The following ZNF445 variants were observed in gnomAD, a reference collection of about 807,000 sequenced individuals.
The protein encoded by ZNF445 is zinc finger protein 445.
Under a neutral mutation model 93.9 loss-of-function variants are expected in ZNF445, and 19 were observed. That is an observed-to-expected ratio of 0.20 (90% CI 0.14 to 0.30). The LOEUF (loss-of-function observed/expected upper bound fraction) is 0.30. Among genes scored for constraint, ZNF445 ranks in the 10% least tolerant of loss-of-function variants. The pLI is 1.00. For synonymous variants in ZNF445, 449 were observed against 446.3 expected, an observed-to-expected ratio of 1.01 and a Z score of -0.08; for missense variants, 1,058 against 1,259.4, an observed-to-expected ratio of 0.84 and a Z score of 2.42.
At chr3:44,460,338 C>T (rs993128837) in intron 1 of ZNF445, among the ~76,000 whole-genome samples, 1 of 152,160 alleles carries the variant, frequency 6.6e-6, no homozygotes, top group African/African-American at 2.4e-5. Flanking sequence ...GATTAACAAC[C>T]CTTTCCCAAA....
In ZNF445 at chr3:44,448,496, C is replaced by T; in HGVS notation, c.1175G>A (p.Gly392Glu). Residue 392 changes from glycine to glutamate, a missense_variant, in exon 8 of 8, where the codon GGA (glycine) becomes GAA (glutamate). This residue lies in a region of ZNF445 where 657 missense variants were observed against 746.4 expected (regional missense o/e 0.88). Transcript: ENST00000396077. ...HRTGKDSEVS[G>E]SNSLDLKHVT... ...ATGTTTTAAGTCAAGACTATTACTT[C>T]CTGATACTTCAGAGTCTTTTCCTGT... is the stretch of plus-strand genomic sequence containing the variant. 3 of 1,613,702 alleles carry T rather than the reference C, an allele frequency of 1.9e-6. No individual in the cohort carries two copies.
rs1349549415 is a variant in ZNF445, at chr3:44,439,913, C to T, written c.*6662G>A. The T allele has an allele frequency of 6.6e-6, 1 of 152,216 alleles. No homozygotes were observed. The highest frequency in any genetic ancestry group is 1.5e-5 in the Non-Finnish European group (1 of 68,058). The allele number at this position is 152,216 out of a possible 1,614,324, so 9.4% of individuals were successfully genotyped here. A position where few individuals can be genotyped will look rare whatever the true frequency, so the allele number is the denominator to read the frequency against. ...GGTTATGAGAGCTCAGTGCATTTGACAGTCAGGGTTTGCACAGTTTGAACT... is the reference window on the plus strand; with the variant it reads ...GGTTATGAGAGCTCAGTGCATTTGATAGTCAGGGTTTGCACAGTTTGAACT... On this transcript the variant is annotated 3_prime_UTR_variant, in exon 8 of 8. Transcript: ENST00000396077.
At chr3:44,472,105 G>C (rs997958321) in intron 1 of ZNF445, among the ~76,000 whole-genome samples, 6 of 152,058 alleles carry the variant, frequency 3.9e-5, no homozygotes, top group Admixed American at 2.6e-4. Flanking sequence ...GAAAACCAAA[G>C]TATGAAAAGA....
intron 3 of ZNF445, chr3:44,454,883 T>C (rs535905369): frequency 5.3e-6 from 3 of 564,298 alleles, no homozygotes; most frequent in East Asian, 3.0e-5. Context: ...CTGTTATTTA[T>C]GGAGACTTGC....
chr3:44,449,865 A>C (rs1697933260), intron 6 of ZNF445, among the ~76,000 whole-genome samples: 1 of 152,228 alleles, frequency 6.6e-6, no homozygotes, highest in Admixed American at 6.5e-5. Context: ...CGTCTACTTA[A>C]TTGGTTACAT....
chr3:44,475,095 ACT>A (rs890804577), intron 1 of ZNF445, among the ~76,000 whole-genome samples: 7 of 151,936 alleles, frequency 4.6e-5, no homozygotes, highest in Admixed American at 2.6e-4. Context: ...AAGAGCGTTA[ACT>A]CTGTCTCAAA....
intron 3 of ZNF445, among the ~76,000 whole-genome samples, chr3:44,451,875 T>A (rs879848750): frequency 6.6e-6 from 1 of 152,180 alleles, no homozygotes; most frequent in South Asian, 2.1e-4. Flanking sequence ...ATTAAACTCA[T>A]AATGGTTCAC....
rs780183627 is a variant in ZNF445, at chr3:44,455,388, G to A, written c.162C>T (p.Phe54=). 1 of 1,614,186 alleles carries A rather than the reference G, an allele frequency of 6.2e-7. No individual in the cohort carries two copies. The highest frequency in any genetic ancestry group is 1.1e-5 in the South Asian group (1 of 91,088). Residue 54 remains phenylalanine (F), a synonymous_variant, in exon 3 of 8, where the codon TTC becomes TTT. Coordinates refer to ENST00000396077, the MANE Select transcript of ZNF445 (RefSeq NM_181489.6). ...AGCGAAGCTGTCTGAAGAGCTGGCG[G>A]AACAGCTCCTGGCCAGGGCGGTTGA... ...QTLNRPGQEL[F]RQLFRQLRYH...
At chr3:44,464,736 T>C (rs1005824611) in intron 1 of ZNF445, among the ~76,000 whole-genome samples, 2 of 152,176 alleles carry the variant, frequency 1.3e-5, no homozygotes, top group African/African-American at 2.4e-5. Context: ...CCGTTGGCTA[T>C]GCTAAAAAGA....
In ZNF445 at chr3:44,455,331, C is replaced by T; in HGVS notation, c.219G>A (p.Leu73=). ...AGCGACAGAGTTCCCGGAGCCGGCT[C>T]AGAGTTTCTAGGGGCCCTGAAGACT... ...YHESSGPLET[L]SRLRELCRWW... Residue 73 remains leucine, a synonymous_variant, in exon 3 of 8, where the codon CTG becomes CTA. Coordinates refer to ENST00000396077, the MANE Select transcript of ZNF445 (RefSeq NM_181489.6). The T allele has an allele frequency of 6.2e-7, 1 of 1,613,980 alleles. No homozygotes were observed. The highest frequency in any genetic ancestry group is 8.5e-7 in the Non-Finnish European group (1 of 1,179,900).
At position 44,447,177 on chromosome 3, in the gene ZNF445, T is replaced by C. The variant is rs373276419; in HGVS notation, c.2494A>G (p.Lys832Glu). 4.3e-6 allele frequency: 7 copies of C among 1,614,114 alleles called. No homozygotes were observed. Among genetic ancestry groups the C allele is most frequent in the Admixed American group, 1.7e-5 (1 of 60,004 alleles). ...ESEKTPNVEP[K>E]ILTGEKRFWC... ...AAACGTTTCTCACCAGTGAGGATTT[T>C]TGGCTCCACATTTGGAGTCTTTTCA... Residue 832 changes from lysine (K) to glutamate (E), a missense_variant, in exon 8 of 8, where the codon AAA becomes GAA. Coordinates refer to ENST00000396077, the MANE Select transcript of ZNF445 (RefSeq NM_181489.6). The surrounding 1 kb of genome is among the most constrained non-coding windows in gnomAD (Gnocchi z 4.7).
chr3:44,450,728 AG>A, intron 5 of ZNF445, 139 bp downstream of exon 5: 1 of 1,292,888 alleles, frequency 7.7e-7, no homozygotes, highest in Non-Finnish European at 1.1e-6. Flanking sequence ...TCTGGGCTTG[AG>A]GGGGATAATC....
chr3:44,451,894 T>A (rs1015727971), intron 3 of ZNF445, among the ~76,000 whole-genome samples: 3 of 152,224 alleles, frequency 2.0e-5, no homozygotes, highest in African/African-American at 4.8e-5. Context: ...ACAGTGGAGA[T>A]ACAGTCAAGT....
At chr3:44,456,908 G>A (rs2125681300) in intron 2 of ZNF445, among the ~76,000 whole-genome samples, 1 of 152,244 alleles carries the variant, frequency 6.6e-6, no homozygotes, top group Non-Finnish European at 1.5e-5. Flanking sequence ...TGGGCGGACT[G>A]CTTGAGGTCA....
intron 6 of ZNF445, 36 bp from the exon 7 acceptor site, chr3:44,449,659 T>G (rs753805162): frequency 3.3e-5 from 51 of 1,537,288 alleles, no homozygotes; most frequent in Non-Finnish European, 4.5e-5. Context: ...AGAAGGGAGA[T>G]GGATGACACA....
rs562187218 is a variant in ZNF445 at position 44,475,326 on chromosome 3, G to A, written c.-269+2265C>T. Among the ~76,000 whole-genome samples the A allele has an allele frequency of 2.0e-4, 31 of 151,990 alleles. No individual in the cohort carries two copies. The South Asian group carries it at 3.3e-3, about 16-fold the overall frequency. On this transcript the variant is annotated intron_variant, in intron 1 of 7. Coordinates refer to ENST00000396077, the MANE Select transcript of ZNF445 (RefSeq NM_181489.6). ...CAATTCTCCTGCCTCAGCCTCCCAA[G>A]TAGCTGGGATTACAGGTGCCCGCCA...
rs34880145 is a variant in ZNF445, at chr3:44,434,250, C to CAAAAA, written c.*12320_*12324dup. On this transcript the variant is annotated 3_prime_UTR_variant, in exon 8 of 8. Coordinates refer to ENST00000396077, the MANE Select transcript of ZNF445 (RefSeq NM_181489.6). ...TAACATGGTGAAACCCTGCCTTTACCAAAAAAAAAAAAAAAAAAATTAGCC... is the reference window on the plus strand; with the variant it reads ...TAACATGGTGAAACCCTGCCTTTACCAAAAAAAAAAAAAAAAAAAAAAAATTAGCC... 7.5e-6 allele frequency: 1 copy of CAAAAA among 133,200 alleles called. No individual in the cohort carries two copies. The highest frequency in any genetic ancestry group is 2.9e-5 in the African/African-American group (1 of 34,946). 8.3% of individuals were successfully genotyped at this position (133,200 alleles called of 1,614,324 possible).
Position 44,434,470 on chromosome 3 carries a change from G to A in ZNF445, c.*12105C>T, listed in dbSNP as rs1190226548. 14 of 151,966 alleles carry A rather than the reference G, an allele frequency of 9.2e-5. No homozygotes were observed. The highest frequency in any genetic ancestry group is 8.5e-4 in the Admixed American group (13 of 15,248). 9.4% of individuals were successfully genotyped at this position (151,966 alleles called of 1,614,324 possible). On this transcript the variant is annotated 3_prime_UTR_variant, in exon 8 of 8. Coordinates refer to ENST00000396077, the MANE Select transcript of ZNF445 (RefSeq NM_181489.6). ...CATTATTTGCCCTTAGCCATGTTGTGGGTTTATTTCCTACACTGAGTCATA... is the reference window on the plus strand; with the variant it reads ...CATTATTTGCCCTTAGCCATGTTGTAGGTTTATTTCCTACACTGAGTCATA...
chr3:44,455,802 T>C (rs1698022089), intron 2 of ZNF445, 106 bp from the exon 3 acceptor site: 4 of 424,212 alleles, frequency 9.4e-6, no homozygotes, highest in Non-Finnish European at 1.7e-5. Flanking sequence ...TGCACAAAGG[T>C]ATATGCCAGT....
Sources: gnomAD v4.1 joint callset for allele counts (sites outside exome capture counted in the v4.1 genomes callset) on GRCh38, gnomAD v4.1.1 for gene constraint, gnomAD v4.1.1 regional missense constraint, Gnocchi (gnomAD v3.1) non-coding constraint, MANE v1.5 for transcripts, NCBI Gene and HGNC (gene_info 2026-07-23, HGNC 2026-07-21) for gene names.